Variants in SP3 observed in about 807,000 individuals in gnomAD.
SP3 encodes Sp3 transcription factor, also known as transcription factor Sp3.
A neutral mutation model predicts 70.3 loss-of-function variants in SP3; 10 were observed. That is an observed-to-expected ratio of 0.14 (90% CI 0.09 to 0.24). The LOEUF (loss-of-function observed/expected upper bound fraction) is 0.24, where lower values mean the gene tolerates loss of function less well. SP3 is among the 10% of genes least tolerant of loss of function. The pLI, the probability that SP3 is intolerant of heterozygous loss-of-function variation, is 1.00. For synonymous variants in SP3, 402 were observed against 333.5 expected, an observed-to-expected ratio of 1.21 and a Z score of -2.24; for missense variants, 825 against 914.6, an observed-to-expected ratio of 0.90 and a Z score of 1.26.
At chr2:173,941,961 C>T (rs1401654028) in intron 4 of SP3, among the ~76,000 whole-genome samples, 4 of 152,166 alleles carry the variant, frequency 2.6e-5, no homozygotes, top group East Asian at 3.8e-4. Flanking sequence ...TTCTCATTCA[C>T]GGTATCTTAC....
chr2:173,905,696 T>C lies in SP3; in HGVS notation c.*4245A>G, dbSNP rs570256665. On this transcript the variant is annotated 3_prime_UTR_variant, in exon 7 of 7. Coordinates refer to ENST00000310015, the MANE Select transcript of SP3 (RefSeq NM_003111.5). Reference sequence around the variant, plus strand: ...ACATGGGAAAAAAAAAAACCTTGTATACCCTTTAGACTCCAGATTTGGCCA... The same window carrying C: ...ACATGGGAAAAAAAAAAACCTTGTACACCCTTTAGACTCCAGATTTGGCCA... Among the ~76,000 whole-genome samples the C allele has an allele frequency of 2.9e-4, 44 of 152,080 alleles. No individual in the cohort carries two copies. The highest frequency in any genetic ancestry group is 6.8e-3 in the Middle Eastern group (2 of 294).
chr2:173,954,766 CATT>C (rs1296949570), intron 4 of SP3, 104 bp downstream of exon 4: 3 of 932,878 alleles, frequency 3.2e-6, no homozygotes, highest in Non-Finnish European at 4.9e-6. Context: ...AAACATTGAT[CATT>C]AATTCTAATG....
At chr2:173,922,334 C>T (rs1477821481) in intron 4 of SP3, among the ~76,000 whole-genome samples, 4 of 150,818 alleles carry the variant, frequency 2.7e-5, no homozygotes, top group Middle Eastern at 6.9e-3. Flanking sequence ...GATGGAGTTG[C>T]CATTAACTGA....
chr2:173,961,038 A>C (rs1691057107), intron 3 of SP3, among the ~76,000 whole-genome samples: 1 of 152,202 alleles, frequency 6.6e-6, no homozygotes, highest in Non-Finnish European at 1.5e-5. Context: ...AATGAAGTAA[A>C]TTAATAATCC....
At chr2:173,926,575 G>A (rs1689915296) in intron 4 of SP3, among the ~76,000 whole-genome samples, 1 of 152,042 alleles carries the variant, frequency 6.6e-6, no homozygotes, top group Admixed American at 6.5e-5. Context: ...AAGGAGGGAG[G>A]GTCACTTGAG....
At chr2:173,922,905 T>C (rs370038830) in intron 4 of SP3, among the ~76,000 whole-genome samples, 18 of 152,136 alleles carry the variant, frequency 1.2e-4, no homozygotes, top group African/African-American at 4.3e-4. Context: ...CATTATAAAA[T>C]TGGCAGTACA....
intron 4 of SP3, among the ~76,000 whole-genome samples, chr2:173,951,345 G>A (rs1005257257): frequency 2.0e-5 from 3 of 152,164 alleles, no homozygotes; most frequent in African/African-American, 7.2e-5. Context: ...TTCTGTTCAT[G>A]TAGTATATGT....
chr2:173,935,639 A>G (rs544711999), intron 4 of SP3, among the ~76,000 whole-genome samples: 20 of 152,304 alleles, frequency 1.3e-4, no homozygotes, highest in Admixed American at 5.9e-4. Flanking sequence ...CTTCCTTTTT[A>G]TAATTCCCCT....
intron 4 of SP3, among the ~76,000 whole-genome samples, chr2:173,918,997 GAATT>G (rs1054642466): frequency 3.3e-5 from 5 of 152,014 alleles, no homozygotes; most frequent in Non-Finnish European, 7.4e-5. Flanking sequence ...GCTTATAGTA[GAATT>G]AATAACATTA....
intron 2 of SP3, 132 bp from the exon 3 acceptor site, chr2:173,964,015 T>C (rs1691181439): frequency 3.2e-5 from 9 of 282,398 alleles, no homozygotes. Context: ...GCCCGCGCTC[T>C]CCTCCTCCTC....
intron 4 of SP3, among the ~76,000 whole-genome samples, chr2:173,953,171 C>T (rs937380951): frequency 2.6e-5 from 4 of 152,226 alleles, no homozygotes; most frequent in Non-Finnish European, 4.4e-5. Context: ...TTTTCTTTAA[C>T]TGCAAGTGCA....
At chr2:173,910,757 T>G (rs1390213817) in intron 6 of SP3, among the ~76,000 whole-genome samples, 2 of 152,160 alleles carry the variant, frequency 1.3e-5, no homozygotes, top group Non-Finnish European at 2.9e-5. Flanking sequence ...CCAAAAAGAA[T>G]GAGTAATCCT....
In SP3 at chr2:173,902,545, A is replaced by G. The variant is rs959147991; in HGVS notation, c.*7396T>C. ...CAATTATTTCATTGCAGCATTGTTT[A>G]TAAGTCAAAAATTGGAAATAACTGA... On this transcript the variant is annotated 3_prime_UTR_variant, in exon 7 of 7. Coordinates refer to ENST00000310015, the MANE Select transcript of SP3 (RefSeq NM_003111.5). 2.6e-5 allele frequency among the ~76,000 whole-genome samples: 4 copies of G among 152,232 alleles called. No homozygotes were observed. The highest frequency in any genetic ancestry group is 5.9e-5 in the Non-Finnish European group (4 of 68,030).
At chr2:173,952,214 A>G (rs1462236529) in intron 4 of SP3, among the ~76,000 whole-genome samples, 1 of 151,952 alleles carries the variant, frequency 6.6e-6, no homozygotes, top group Non-Finnish European at 1.5e-5. Flanking sequence ...CATCTAGTTC[A>G]GCTTGCAACT....
In SP3 at chr2:173,903,723, A is replaced by G. The variant is rs1201330181; in HGVS notation, c.*6218T>C. Reference sequence around the variant, plus strand: ...GTATTCCACAAGACCAACCACAGATAAAGATACAGCCATCTGTTAAGAGGG... The same window carrying G: ...GTATTCCACAAGACCAACCACAGATGAAGATACAGCCATCTGTTAAGAGGG... On this transcript the variant is annotated 3_prime_UTR_variant, in exon 7 of 7. Transcript: ENST00000310015. Among the ~76,000 whole-genome samples the G allele has an allele frequency of 1.3e-5, 2 of 152,200 alleles. No individual in the cohort carries two copies. Among genetic ancestry groups the G allele is most frequent in the Non-Finnish European group, 1.5e-5 (1 of 68,034 alleles).
intron 5 of SP3, chr2:173,915,479 AG>A: frequency 6.6e-6 from 1 of 152,190 alleles, no homozygotes; most frequent in African/African-American, 2.4e-5. Context: ...CCTATAATAT[AG>A]GAAAAACTAA....
chr2:173,923,767 G>T (rs536353427), intron 4 of SP3, among the ~76,000 whole-genome samples: 2 of 150,960 alleles, frequency 1.3e-5, no homozygotes, highest in East Asian at 3.9e-4. Context: ...ATTTGATTTA[G>T]AATCAAATTA....
rs573481100 is a variant in SP3 at position 173,964,503 on chromosome 2, T to C, written c.58A>G (p.Ser20Gly). Residue 20 changes from serine to glycine, a missense_variant, in exon 2 of 7, where the codon AGC becomes GGC. By Grantham distance (56) the Ser-to-Gly change is moderately conservative. Transcript: ENST00000310015. ...CCGCCGCCGCCACCGCCGCCGCCGC[T>C]ATCCACGTCCAAGGCAGCCATTTCC... is the stretch of plus-strand genomic sequence containing the variant. ...QEEMAALDVD[S>G]GGGGGGGGGH... is the part of the protein sequence containing the mutation. 904 of 633,138 alleles carry C rather than the reference T, an allele frequency of 1.4e-3. 15 individuals are homozygous for C. In the East Asian group the frequency reaches 0.029, roughly 21 times the overall value. 39.2% of individuals were successfully genotyped at this position (633,138 alleles called of 1,614,324 possible).
chr2:173,930,109 C>A (rs757897165), intron 4 of SP3, among the ~76,000 whole-genome samples: 1 of 152,166 alleles, frequency 6.6e-6, no homozygotes, highest in South Asian at 2.1e-4. Flanking sequence ...CCTAACCCAA[C>A]TGAAAAGCAA....
Sources: gnomAD v4.1 joint callset for allele counts (sites outside exome capture counted in the v4.1 genomes callset) on GRCh38, gnomAD v4.1.1 for gene constraint, MANE v1.5 for transcripts, NCBI Gene and HGNC (gene_info 2026-07-23, HGNC 2026-07-21) for gene names.